The following FARS2 variants were observed in gnomAD, a reference collection of about 807,000 sequenced individuals.
The protein encoded by FARS2 is phenylalanyl-tRNA synthetase 2, mitochondrial, also known as phenylalanine--tRNA ligase, mitochondrial.
In FARS2, 40 loss-of-function variants were observed where a neutral mutation model predicts 46.4. That is an observed-to-expected ratio of 0.86 (90% confidence interval 0.67 to 1.12). FARS2 has a LOEUF of 1.12. Ranked by LOEUF, FARS2 falls within the 50% of genes most tolerant of loss-of-function variation. FARS2 has a pLI of 0.00. For missense variants in FARS2, 513 were observed against 567.9 expected (o/e 0.90, Z 0.98); for synonymous variants, 234 against 214.9 (o/e 1.09, Z -0.78).
intron 5 of FARS2, among the ~76,000 whole-genome samples, chr6:5,591,728 C>A (rs531998854): frequency 6.6e-6 from 1 of 152,248 alleles, no homozygotes; most frequent in African/African-American, 2.4e-5. Context: ...CATCAACTCA[C>A]ATAGCCCCTC....
At chr6:5,272,396 T>C (rs879436941) in intron 1 of FARS2, 6 of 152,226 alleles carry the variant, frequency 3.9e-5, no homozygotes, top group Non-Finnish European at 8.8e-5. Flanking sequence ...TAATAACCAC[T>C]ATCTTATGCG....
At chr6:5,459,923 C>G (rs914194092) in intron 4 of FARS2, among the ~76,000 whole-genome samples, 12 of 151,922 alleles carry the variant, frequency 7.9e-5, no homozygotes, top group African/African-American at 2.9e-4. Flanking sequence ...TTTAAATATT[C>G]TCCTTTGACC....
At chr6:5,653,721 C>T (rs886809704) in intron 6 of FARS2, among the ~76,000 whole-genome samples, 7 of 152,204 alleles carry the variant, frequency 4.6e-5, no homozygotes, top group African/African-American at 1.4e-4. Context: ...TTCATTGATT[C>T]ATTTACCCAT....
rs373811519 is a variant in FARS2 at position 5,613,197 on chromosome 6, A to G, written c.1094A>G (p.Asn365Ser). 3.4e-5 allele frequency: 55 copies of G among 1,613,238 alleles called. No individual in the cohort carries two copies. Among genetic ancestry groups the G allele is most frequent in the Non-Finnish European group, 4.3e-5 (51 of 1,179,660 alleles). The change falls in exon 6 of 7, where the codon AAT (asparagine) becomes AGT (serine). Residue 365 changes from asparagine to serine, a missense_variant. By Grantham distance (46) the Asn-to-Ser change is conservative (BLOSUM62 1). Transcript: ENST00000274680. The part of the protein sequence containing the change: ...QPLSKYPAVI[N>S]DISFWLPSEN... ...CTTAGCAAATATCCGGCTGTGATCA[A>G]TGATATTTCATTCTGGTTGCCCTCT...
intron 6 of FARS2, among the ~76,000 whole-genome samples, chr6:5,732,224 A>G (rs924832048): frequency 2.0e-4 from 30 of 152,346 alleles, no homozygotes; most frequent in Admixed American, 1.8e-3. Context: ...TGACAGTGTC[A>G]ACAAATGGCT....
chr6:5,475,249 C>A (rs1342010229), intron 4 of FARS2, among the ~76,000 whole-genome samples: 4 of 152,134 alleles, frequency 2.6e-5, no homozygotes, highest in Admixed American at 2.0e-4. Context: ...TTGGACAGTT[C>A]TCAAAAAGAG....
chr6:5,693,961 T>C (rs1354011445), intron 6 of FARS2, among the ~76,000 whole-genome samples: 1 of 152,292 alleles, frequency 6.6e-6, no homozygotes, highest in East Asian at 1.9e-4. Context: ...CGCCCTCTAC[T>C]AGCGGGAGCA....
At chr6:5,484,050 C>T (rs971122746) in intron 4 of FARS2, among the ~76,000 whole-genome samples, 1 of 152,158 alleles carries the variant, frequency 6.6e-6, no homozygotes, top group African/African-American at 2.4e-5. Flanking sequence ...CTGCAGTGAG[C>T]TAGAATCATG....
intron 1 of FARS2, among the ~76,000 whole-genome samples, chr6:5,323,184 G>A (rs1445223046): frequency 6.6e-6 from 1 of 151,986 alleles, no homozygotes; most frequent in Non-Finnish European, 1.5e-5. Flanking sequence ...ATATTATAGG[G>A]CATATAATTT....
intron 3 of FARS2, among the ~76,000 whole-genome samples, chr6:5,419,472 G>A (rs1434988272): frequency 7.0e-6 from 1 of 143,148 alleles, no homozygotes; most frequent in Non-Finnish European, 1.5e-5. Flanking sequence ...AGGTTTTTTT[G>A]TTCTTTACCG....
At chr6:5,279,070 A>G (rs1766533175) in intron 1 of FARS2, among the ~76,000 whole-genome samples, 1 of 152,168 alleles carries the variant, frequency 6.6e-6, no homozygotes, top group Non-Finnish European at 1.5e-5. Flanking sequence ...GAACACAGCC[A>G]GGGATGTGAG....
At chr6:5,623,611 C>G (rs1775882787) in intron 6 of FARS2, among the ~76,000 whole-genome samples, 1 of 151,978 alleles carries the variant, frequency 6.6e-6, no homozygotes. Context: ...ACTCAGGAGG[C>G]TGAGGCAGGA....
chr6:5,473,547 A>C (rs12174059), intron 4 of FARS2, among the ~76,000 whole-genome samples: 4 of 97,434 alleles, frequency 4.1e-5, no homozygotes, highest in African/African-American at 1.9e-4. Flanking sequence ...AAAAAAAACA[A>C]AAAAAAAAAA....
Position 5,365,239 on chromosome 6 carries a change from A to G in FARS2, c.-21-3311A>G, listed in dbSNP as rs1288891782. On this transcript the variant is annotated intron_variant, in intron 1 of 6. Coordinates refer to ENST00000274680, the MANE Select transcript of FARS2 (RefSeq NM_006567.5). ...TGATGTATAATCTCAATTAGATAAA[A>G]TAGAAGTTAAGGGAGGTCCTTGCAG... Among the ~76,000 whole-genome samples, 4 of 151,586 alleles carry G rather than the reference A, an allele frequency of 2.6e-5. No homozygotes were observed. The East Asian group carries it at 7.7e-4, about 29-fold the overall frequency.
chr6:5,681,635 A>C (rs144054453), intron 6 of FARS2, among the ~76,000 whole-genome samples: 186 of 152,372 alleles, frequency 1.2e-3, no homozygotes, highest in African/African-American at 4.4e-3. Flanking sequence ...GAAATCCCCA[A>C]GATAGACAAG....
chr6:5,634,322 A>C (rs1776436900), intron 6 of FARS2, among the ~76,000 whole-genome samples: 2 of 152,182 alleles, frequency 1.3e-5, no homozygotes, highest in Admixed American at 1.3e-4. Context: ...TTTATTTTTG[A>C]GACAGAGTCT....
At chr6:5,501,158 A>G (rs930877368) in intron 4 of FARS2, among the ~76,000 whole-genome samples, 2 of 152,078 alleles carry the variant, frequency 1.3e-5, no homozygotes, top group African/African-American at 4.8e-5. Context: ...GCCACTCGCC[A>G]TCTAGTATCT....
intron 4 of FARS2, among the ~76,000 whole-genome samples, chr6:5,528,838 T>TA (rs1769638188): frequency 1.3e-5 from 2 of 152,158 alleles, no homozygotes; most frequent in Admixed American, 6.5e-5. Flanking sequence ...TCCTGACTGA[T>TA]ACGTGGTGAC....
In FARS2 at chr6:5,500,123, G is replaced by A. The variant is rs146746887; in HGVS notation, c.905-45057G>A. On this transcript the variant is annotated intron_variant, in intron 4 of 6. Coordinates refer to ENST00000274680, the MANE Select transcript of FARS2 (RefSeq NM_006567.5). ...GTCAGCAGTTTTGCCACTTGCCATC[G>A]TTTAAGAAGTCTATTGGGTATCTGA... Among the ~76,000 whole-genome samples, 235 of 152,212 alleles carry A rather than the reference G, an allele frequency of 1.5e-3. 2 individuals carry two copies. The highest frequency in any genetic ancestry group is 5.3e-3 in the African/African-American group (219 of 41,532).
Sources: allele counts gnomAD v4.1 joint callset (sites outside exome capture counted in the v4.1 genomes callset), GRCh38; gene constraint gnomAD v4.1.1; transcripts MANE v1.5; gene names NCBI Gene and HGNC (gene_info 2026-07-23, HGNC 2026-07-21).